ELF4: variants seen among roughly 807,000 people sequenced by gnomAD.
ELF4 encodes E74 like ETS transcription factor 4.
A neutral mutation model predicts 31.7 loss-of-function variants in ELF4; 10 were observed. The observed-to-expected ratio is 0.32, with a 90% CI of 0.19 to 0.54. The LOEUF (loss-of-function observed/expected upper bound fraction) is 0.54. ELF4 is among the 20% of genes least tolerant of loss of function. ELF4 has a pLI of 0.95. For synonymous variants in ELF4, 208 were observed against 226.7 expected, an observed-to-expected ratio of 0.92 and a Z score of 0.74; for missense variants, 418 against 522.0, an observed-to-expected ratio of 0.80 and a Z score of 1.94.
chrX:130,099,610 A>G (rs1410452288), intron 1 of ELF4, among the ~76,000 whole-genome samples: 1 of 110,420 alleles, frequency 9.1e-6, no homozygotes, highest in Non-Finnish European at 1.9e-5. Flanking sequence ...AAAAACTGAT[A>G]TTGTGTTAAG....
intron 1 of ELF4, 86 bp downstream of exon 1, chrX:130,110,239 G>T (rs1933455220): frequency 9.1e-6 from 1 of 110,296 alleles, no homozygotes; most frequent in Admixed American, 9.3e-5. Context: ...CCAGCCCCAC[G>T]CCGGGGCCCC....
chrX:130,088,009 G>A lies in ELF4; in HGVS notation c.-209-6470C>T, dbSNP rs7049617. 8.6e-3 allele frequency among the ~76,000 whole-genome samples: 958 copies of A among 111,369 alleles called. 8 individuals carry two copies. The highest frequency in any genetic ancestry group is 0.03 in the African/African-American group (925 of 30,579). Reference sequence around the variant, plus strand: ...GCTGGATAAGTGGATCCCTGGAACTGTGGAATGAGAACTTAATATGGAAAG... The same window carrying A: ...GCTGGATAAGTGGATCCCTGGAACTATGGAATGAGAACTTAATATGGAAAG... On this transcript the variant is annotated intron_variant, in intron 1 of 8. Coordinates refer to ENST00000308167, the MANE Select transcript of ELF4 (RefSeq NM_001421.4).
chrX:130,101,562 G>A (rs917558546), intron 1 of ELF4, among the ~76,000 whole-genome samples: 1 of 111,221 alleles, frequency 9.0e-6, no homozygotes, highest in Non-Finnish European at 1.9e-5. Context: ...GAAGGCCGAG[G>A]CGGGTGGATC....
intron 1 of ELF4, among the ~76,000 whole-genome samples, chrX:130,093,035 G>T (rs748493066): frequency 4.5e-5 from 5 of 111,082 alleles, no homozygotes; most frequent in African/African-American, 1.6e-4. Context: ...CATATAGGCC[G>T]GGTGTGATGG....
At chrX:130,080,124 G>C (rs1460665163) in intron 2 of ELF4, among the ~76,000 whole-genome samples, 1 of 111,703 alleles carries the variant, frequency 9.0e-6, no homozygotes, top group East Asian at 2.8e-4. Flanking sequence ...GGAAACAGCA[G>C]TCAGATAGGA....
intron 1 of ELF4, among the ~76,000 whole-genome samples, chrX:130,101,731 A>T (rs771882575): frequency 1.8e-5 from 2 of 110,636 alleles, no homozygotes; most frequent in Non-Finnish European, 3.8e-5. Context: ...CCCGGGAGGC[A>T]GAGGTTGCAG....
At chrX:130,093,025 C>T (rs1200472703) in intron 1 of ELF4, among the ~76,000 whole-genome samples, 1 of 110,581 alleles carries the variant, frequency 9.0e-6, no homozygotes, top group Non-Finnish European at 1.9e-5. Flanking sequence ...AAAAAATCCA[C>T]ATATAGGCCG....
chrX:130,066,772 GA>G lies in ELF4; in HGVS notation c.1940del (p.Phe647SerfsTer42). ...TGAGGGAAGTAGGGTTGAATGGGGA[GA>G]AAGGGGCTGGGGTGGGGGATCTTGT... ...LLTRSPTPAPFSPFNPTSLIK... is the reference protein window; with the variant it reads ...LLTRSPTPAPXSPFNPTSLIK... On this transcript the variant is annotated frameshift_variant, in exon 9 of 9. Coordinates refer to ENST00000308167, the MANE Select transcript of ELF4 (RefSeq NM_001421.4). LOFTEE classifies it high-confidence loss of function. 8.3e-7 allele frequency: 1 copy of G among 1,209,621 alleles called. No homozygotes were observed. The highest frequency in any genetic ancestry group is 1.1e-6 in the Non-Finnish European group (1 of 894,588).
intron 1 of ELF4, among the ~76,000 whole-genome samples, chrX:130,081,764 T>C (rs1391776054): frequency 8.9e-6 from 1 of 112,087 alleles, no homozygotes; most frequent in Non-Finnish European, 1.9e-5. Context: ...CAGTGGGAAG[T>C]GGCTGAGTGT....
Position 130,067,043 on chromosome X carries a change from TCCATGGGGGCCCCCGTCA to T in ELF4, c.1652_1669del (p.Val551_Met556del). ...GGTCTCTTCAGGAACCAGCAGCCCC[TCCATGGGGGCCCCCGTCA>T]CCATACCCTGAACATAGGAGGAGGA... On this transcript the variant is annotated inframe_deletion, in exon 9 of 9. Transcript: ENST00000308167. 1 of 1,211,858 alleles carries T rather than the reference TCCATGGGGGCCCCCGTCA, an allele frequency of 8.3e-7. No homozygotes were observed. Among genetic ancestry groups the T allele is most frequent in the South Asian group, 1.8e-5 (1 of 57,029 alleles).
In ELF4 at chrX:130,065,663, CA is replaced by C; in HGVS notation, c.*1057del. On this transcript the variant is annotated 3_prime_UTR_variant, in exon 9 of 9. Coordinates refer to ENST00000308167, the MANE Select transcript of ELF4 (RefSeq NM_001421.4). ...GTGATGCCTGACAGCTGGAAAATGT[CA>C]AAAAGTAATCAAGAGGGAGCCCAGG... The C allele has an allele frequency of 5.7e-6, 1 of 175,823 alleles. No homozygotes were observed. Among genetic ancestry groups the C allele is most frequent in the Non-Finnish European group, 1.1e-5 (1 of 91,703 alleles). 14.5% of individuals were successfully genotyped at this position (175,823 alleles called of 1,213,427 possible).
intron 1 of ELF4, among the ~76,000 whole-genome samples, chrX:130,099,312 G>A (rs1479603481): frequency 8.9e-6 from 1 of 112,153 alleles, no homozygotes; most frequent in Non-Finnish European, 1.9e-5. Context: ...AGGGGCTCAC[G>A]CCTGTAATCC....
At chrX:130,096,281 C>A (rs1603208710) in intron 1 of ELF4, among the ~76,000 whole-genome samples, 1 of 111,303 alleles carries the variant, frequency 9.0e-6, no homozygotes, top group Non-Finnish European at 1.9e-5. Flanking sequence ...CTCCCGGGTT[C>A]AAGTTATTCT....
intron 7 of ELF4, 114 bp downstream of exon 7, chrX:130,070,926 C>T: frequency 9.4e-7 from 1 of 1,062,019 alleles, no homozygotes; most frequent in Non-Finnish European, 1.3e-6. Context: ...AGTTACGAGA[C>T]TCGTTTCCTT....
chrX:130,111,784 G>A (rs1320950865), upstream of ELF4, among the ~76,000 whole-genome samples: 2 of 112,298 alleles, frequency 1.8e-5, no homozygotes. Flanking sequence ...AAGCCACTCA[G>A]GCACGCTCCC....
upstream of ELF4, among the ~76,000 whole-genome samples, chrX:130,111,799 T>C (rs937967492): frequency 7.1e-5 from 8 of 112,325 alleles, no homozygotes; most frequent in African/African-American, 1.9e-4. Context: ...GCTCCCCTTC[T>C]ATCTCCCCTT....
At chrX:130,088,862 T>C (rs1275959629) in intron 1 of ELF4, among the ~76,000 whole-genome samples, 3 of 112,005 alleles carry the variant, frequency 2.7e-5, no homozygotes, top group Non-Finnish European at 5.6e-5. Flanking sequence ...GCCAGCCCAG[T>C]GTGTGTCCTA....
intron 1 of ELF4, among the ~76,000 whole-genome samples, chrX:130,096,356 G>C (rs1933150357): frequency 9.1e-6 from 1 of 110,319 alleles, no homozygotes; most frequent in Non-Finnish European, 1.9e-5. Flanking sequence ...GCTAATTTTT[G>C]TATTTTTATT....
At chrX:130,078,762 T>TACACACACACACACAC (rs530565075) in intron 2 of ELF4, among the ~76,000 whole-genome samples, 88 of 84,879 alleles carry the variant, frequency 1.0e-3, no homozygotes, top group Non-Finnish European at 1.7e-3. Flanking sequence ...TCTCTCTCTC[T>TACACACACACACACAC]ACACACACAC....
Sources: gnomAD v4.1 joint callset for allele counts (sites outside exome capture counted in the v4.1 genomes callset) on GRCh38, gnomAD v4.1.1 for gene constraint, MANE v1.5 for transcripts, NCBI Gene and HGNC (gene_info 2026-07-23, HGNC 2026-07-21) for gene names.